Variants in ZCCHC7 observed in about 807,000 individuals in gnomAD.
The protein encoded by ZCCHC7 is zinc finger CCHC domain-containing protein 7.
A neutral mutation model predicts 52.0 loss-of-function variants in ZCCHC7; 35 were observed. The observed-to-expected ratio is 0.67, with a 90% CI of 0.51 to 0.89. The LOEUF (loss-of-function observed/expected upper bound fraction) is 0.89, where lower values mean the gene tolerates loss of function less well. Among genes scored for constraint, ZCCHC7 ranks in the 40% least tolerant of loss-of-function variants. The pLI is 0.00. For synonymous variants in ZCCHC7, 217 were observed against 221.5 expected (o/e 0.98, Z 0.18); for missense variants, 574 against 649.1 (o/e 0.88, Z 1.26).
rs184455755 is a variant in ZCCHC7, at chr9:37,344,540, C to T, written c.988-4817C>T. Among the ~76,000 whole-genome samples the T allele has an allele frequency of 5.3e-4, 81 of 152,274 alleles. 1 individual carries two copies. Among genetic ancestry groups the T allele is most frequent in the African/African-American group, 1.9e-3 (77 of 41,554 alleles). ...GTTCCTACCATAGGACTCGGTACTA[C>T]TCGTTCCCCATGCCTTACGCCAAGA... On this transcript the variant is annotated intron_variant, in intron 6 of 8. Coordinates refer to ENST00000336755, the MANE Select transcript of ZCCHC7 (RefSeq NM_032226.3).
chr9:37,333,421 A>G (rs1830525266), intron 6 of ZCCHC7, among the ~76,000 whole-genome samples: 1 of 151,696 alleles, frequency 6.6e-6, no homozygotes, highest in Non-Finnish European at 1.5e-5. Context: ...TTTGACGGAA[A>G]AAGTCCCTGT....
At chr9:37,167,083 G>A (rs1024111422) in intron 2 of ZCCHC7, among the ~76,000 whole-genome samples, 10 of 152,008 alleles carry the variant, frequency 6.6e-5, no homozygotes, top group Non-Finnish European at 1.3e-4. Context: ...AATTATATGT[G>A]TACTAGGCTG....
intron 2 of ZCCHC7, among the ~76,000 whole-genome samples, chr9:37,217,521 A>T (rs915385512): frequency 6.6e-6 from 1 of 152,128 alleles, no homozygotes; most frequent in Admixed American, 6.5e-5. Context: ...TTTCGCCTCA[A>T]ATTTGATTAA....
At chr9:37,175,918 TTAAA>T (rs1821999064) in intron 2 of ZCCHC7, among the ~76,000 whole-genome samples, 1 of 152,222 alleles carries the variant, frequency 6.6e-6, no homozygotes. Flanking sequence ...TTTGTTTTGT[TTAAA>T]TACTGTTGTG....
chr9:37,219,497 CT>C (rs2133253692), intron 2 of ZCCHC7, among the ~76,000 whole-genome samples: 1 of 152,272 alleles, frequency 6.6e-6, no homozygotes, highest in East Asian at 1.9e-4. Flanking sequence ...ATGGCTAATT[CT>C]TTTTGTTTTA....
chr9:37,189,177 CTTG>C (rs747616017), intron 2 of ZCCHC7, among the ~76,000 whole-genome samples: 5 of 150,826 alleles, frequency 3.3e-5, no homozygotes, highest in Non-Finnish European at 5.9e-5. Context: ...AGTGTTTGCC[CTTG>C]TTGGAACATT....
chr9:37,268,870 C>T (rs957394096), intron 2 of ZCCHC7, among the ~76,000 whole-genome samples: 16 of 152,148 alleles, frequency 1.1e-4, no homozygotes, highest in Non-Finnish European at 2.2e-4. Flanking sequence ...GTATTGAATA[C>T]TACTGTATGC....
At chr9:37,161,089 A>G (rs1821076914) in intron 2 of ZCCHC7, among the ~76,000 whole-genome samples, 1 of 151,514 alleles carries the variant, frequency 6.6e-6, no homozygotes. Context: ...AGCTGGGATT[A>G]CAGGCACAGG....
chr9:37,250,544 C>T (rs192293009), intron 2 of ZCCHC7, among the ~76,000 whole-genome samples: 99 of 152,134 alleles, frequency 6.5e-4, no homozygotes, highest in African/African-American at 1.8e-3. Flanking sequence ...TCAGGTGATC[C>T]GTCTGCCTCT....
intron 2 of ZCCHC7, among the ~76,000 whole-genome samples, chr9:37,291,058 G>T (rs1038904367): frequency 7.9e-5 from 12 of 152,194 alleles, no homozygotes; most frequent in African/African-American, 2.9e-4. Context: ...TCAAGAATGT[G>T]CAGTAGAAGT....
intron 2 of ZCCHC7, among the ~76,000 whole-genome samples, chr9:37,238,904 A>G (rs549062432): frequency 3.3e-5 from 5 of 152,230 alleles, no homozygotes; most frequent in Non-Finnish European, 4.4e-5. Flanking sequence ...AATTATTTTC[A>G]TTTTTCCTAC....
intron 2 of ZCCHC7, among the ~76,000 whole-genome samples, chr9:37,136,684 T>C (rs1843011345): frequency 1.3e-5 from 2 of 152,204 alleles, no homozygotes; most frequent in East Asian, 3.8e-4. Flanking sequence ...ATGTTGCTCA[T>C]GTTGCTGGTC....
At chr9:37,242,590 C>T (rs1176669597) in intron 2 of ZCCHC7, among the ~76,000 whole-genome samples, 1 of 151,670 alleles carries the variant, frequency 6.6e-6, no homozygotes, top group Non-Finnish European at 1.5e-5. Flanking sequence ...GTAGATAGTG[C>T]TTTTGAACTT....
chr9:37,230,629 A>AT (rs1825354617), intron 2 of ZCCHC7, among the ~76,000 whole-genome samples: 1 of 151,958 alleles, frequency 6.6e-6, no homozygotes, highest in South Asian at 2.1e-4. Flanking sequence ...TCTACTCAAT[A>AT]TTTTTTCTCT....
At chr9:37,350,191 C>T (rs1254087425) in intron 7 of ZCCHC7, among the ~76,000 whole-genome samples, 8 of 149,106 alleles carry the variant, frequency 5.4e-5, no homozygotes, top group Non-Finnish European at 7.4e-5. Context: ...TGCAATGACA[C>T]GATCTCAGCT....
Position 37,354,137 on chromosome 9 carries a change from A to G in ZCCHC7, c.1084-573A>G, listed in dbSNP as rs540290596. 6.6e-6 allele frequency among the ~76,000 whole-genome samples: 1 copy of G among 152,326 alleles called. No homozygotes were observed. Among genetic ancestry groups the G allele is most frequent in the South Asian group, 2.1e-4 (1 of 4,824 alleles). On this transcript the variant is annotated intron_variant, in intron 7 of 8. Transcript: ENST00000336755. This position sits in a 1 kb window ranked among gnomAD's most constrained non-coding sequence, Gnocchi z 4.0. ...CTTTTGGGGTGTCTCACAATTACCT[A>G]GGAACAATTTTAAACTAGGCATAAC...
At position 37,354,934 on chromosome 9, in the gene ZCCHC7, T is replaced by C; in HGVS notation, c.1198+110T>C. ...TCATTGGTTAGCATAGAAAGTATTT[T>C]TAGTAATTACCAAAGAGACTGGAAC... On this transcript the variant is annotated intron_variant, in intron 8 of 8. Coordinates refer to ENST00000336755, the MANE Select transcript of ZCCHC7 (RefSeq NM_032226.3). The surrounding 1 kb of genome is among the most constrained non-coding windows in gnomAD (Gnocchi z 4.0). The C allele has an allele frequency of 1.6e-6, 1 of 643,160 alleles. No homozygotes were observed. Among genetic ancestry groups the C allele is most frequent in the Non-Finnish European group, 2.6e-6 (1 of 387,958 alleles). 39.8% of individuals were successfully genotyped at this position (643,160 alleles called of 1,614,324 possible).
At chr9:37,182,627 A>G (rs996027169) in intron 2 of ZCCHC7, among the ~76,000 whole-genome samples, 2 of 152,162 alleles carry the variant, frequency 1.3e-5, no homozygotes, top group African/African-American at 2.4e-5. Flanking sequence ...CAGCCTCCCA[A>G]AGTGCTGGGA....
intron 2 of ZCCHC7, among the ~76,000 whole-genome samples, chr9:37,288,016 T>C (rs1216623354): frequency 6.6e-6 from 1 of 151,998 alleles, no homozygotes; most frequent in Non-Finnish European, 1.5e-5. Flanking sequence ...CAGTGGCTCA[T>C]GCCTGTAATC....
Sources: allele counts gnomAD v4.1 joint callset (sites outside exome capture counted in the v4.1 genomes callset), GRCh38; gene constraint gnomAD v4.1.1; non-coding constraint Gnocchi (gnomAD v3.1); transcripts MANE v1.5; gene names NCBI Gene and HGNC (gene_info 2026-07-23, HGNC 2026-07-21).